The following BANK1 variants were observed in gnomAD, a reference collection of about 807,000 sequenced individuals.
BANK1 encodes B cell scaffold protein with ankyrin repeats 1.
BANK1 carries 95 observed loss-of-function variants against 94.5 expected under a neutral mutation model. The observed-to-expected ratio is 1.00, with a 90% CI of 0.85 to 1.19. The LOEUF (loss-of-function observed/expected upper bound fraction) is 1.19. Among genes scored for constraint, BANK1 ranks in the 50% most tolerant of loss-of-function variants. The pLI is 0.00. For synonymous variants in BANK1, 334 were observed against 308.4 expected (o/e 1.08, Z -0.87); for missense variants, 987 against 932.2 (o/e 1.06, Z -0.77).
At position 102,048,265 on chromosome 4, in the gene BANK1, G is replaced by C. The variant is rs183087994; in HGVS notation, c.1969+4358G>C. On this transcript the variant is annotated intron_variant, in intron 11 of 16. Coordinates refer to ENST00000322953, the MANE Select transcript of BANK1 (RefSeq NM_017935.5). Reference sequence around the variant, plus strand: ...AAGGAAACATCAATCCTTATCAAATGTTTCTTTAAAAACCTCCCTGATGAC... The same window carrying C: ...AAGGAAACATCAATCCTTATCAAATCTTTCTTTAAAAACCTCCCTGATGAC... Among the ~76,000 whole-genome samples, 64 of 152,230 alleles carry C rather than the reference G, an allele frequency of 4.2e-4. 1 individual carries two copies. Among genetic ancestry groups the C allele is most frequent in the South Asian group, 8.3e-4 (4 of 4,826 alleles).
intron 4 of BANK1, among the ~76,000 whole-genome samples, chr4:101,866,208 A>T (rs558436046): frequency 6.6e-6 from 1 of 152,204 alleles, no homozygotes; most frequent in Non-Finnish European, 1.5e-5. Context: ...ATCAAAAATT[A>T]AAAAATAACT....
chr4:101,858,638 C>T (rs975773798), intron 3 of BANK1, among the ~76,000 whole-genome samples: 1 of 151,932 alleles, frequency 6.6e-6, no homozygotes, highest in African/African-American at 2.4e-5. Flanking sequence ...TTTATTTTCC[C>T]ACTGCTGCTA....
intron 11 of BANK1, among the ~76,000 whole-genome samples, chr4:102,050,034 C>T (rs1161744853): frequency 6.6e-6 from 1 of 152,210 alleles, no homozygotes; most frequent in Non-Finnish European, 1.5e-5. Flanking sequence ...ACCCCATAAC[C>T]ATACCAATGT....
At chr4:101,812,221 TAGTA>T (rs1486998589) in intron 1 of BANK1, among the ~76,000 whole-genome samples, 1 of 151,900 alleles carries the variant, frequency 6.6e-6, no homozygotes, top group Non-Finnish European at 1.5e-5. Flanking sequence ...TAACTGGAAT[TAGTA>T]AGAAGTTCCA....
At chr4:102,051,986 G>T (rs1202050057) in intron 11 of BANK1, among the ~76,000 whole-genome samples, 1 of 152,064 alleles carries the variant, frequency 6.6e-6, no homozygotes, top group Non-Finnish European at 1.5e-5. Flanking sequence ...ATCTTGAGTT[G>T]CGAACTGCAC....
intron 14 of BANK1, among the ~76,000 whole-genome samples, 174 bp from the exon 15 acceptor site, chr4:102,072,171 A>T (rs1180555385): frequency 1.3e-5 from 2 of 152,214 alleles, no homozygotes; most frequent in African/African-American, 4.8e-5. Context: ...GGGCAGGAGA[A>T]ATTAACAGCA....
chr4:101,940,876 C>T (rs56757011), intron 7 of BANK1, among the ~76,000 whole-genome samples: 1 of 151,694 alleles, frequency 6.6e-6, no homozygotes, highest in Non-Finnish European at 1.5e-5. Context: ...TATTCCCCCT[C>T]CTCTAACCTT....
intron 3 of BANK1, among the ~76,000 whole-genome samples, chr4:101,856,220 A>C (rs1350133450): frequency 1.3e-5 from 2 of 152,180 alleles, no homozygotes; most frequent in African/African-American, 2.4e-5. Context: ...CCCTTACCCC[A>C]TGCCTAAGCA....
At chr4:101,916,667 G>GAA (rs1324813292) in intron 6 of BANK1, among the ~76,000 whole-genome samples, 1 of 151,914 alleles carries the variant, frequency 6.6e-6, no homozygotes, top group Non-Finnish European at 1.5e-5. Context: ...ATTTGTATTT[G>GAA]TAAAACAAGT....
At chr4:102,025,749 C>T (rs1483522366) in intron 9 of BANK1, among the ~76,000 whole-genome samples, 3 of 152,020 alleles carry the variant, frequency 2.0e-5, no homozygotes, top group Non-Finnish European at 4.4e-5. Flanking sequence ...CTCCCTCCCT[C>T]CTTCCCTTTC....
intron 6 of BANK1, among the ~76,000 whole-genome samples, chr4:101,909,056 G>T (rs1222249146): frequency 1.3e-5 from 2 of 152,128 alleles, no homozygotes; most frequent in Non-Finnish European, 2.9e-5. Flanking sequence ...CCCATTACTG[G>T]GTGTATACCC....
intron 2 of BANK1, among the ~76,000 whole-genome samples, chr4:101,836,358 T>C (rs1411443641): frequency 6.6e-6 from 1 of 152,116 alleles, no homozygotes; most frequent in Non-Finnish European, 1.5e-5. Context: ...TGCACACCTG[T>C]AATCCCAGTT....
At position 102,003,697 on chromosome 4, in the gene BANK1, G is replaced by C. The variant is rs182246170; in HGVS notation, c.1207-17817G>C. ...TCAAGGAGAGAGAACATAAATATTT[G>C]CTATTGGTGGGAAGTAGCAAGGCTC... is the stretch of plus-strand genomic sequence containing the variant. On this transcript the variant is annotated intron_variant, in intron 7 of 16. Transcript: ENST00000322953. Among the ~76,000 whole-genome samples, 568 of 152,166 alleles carry C rather than the reference G, an allele frequency of 3.7e-3. 5 individuals carry two copies. Among genetic ancestry groups the C allele is most frequent in the African/African-American group, 0.013 (524 of 41,508 alleles).
chr4:101,856,369 A>G (rs1033539272), intron 3 of BANK1, among the ~76,000 whole-genome samples: 41 of 136,018 alleles, frequency 3.0e-4, no homozygotes, highest in African/African-American at 1.1e-3. Flanking sequence ...AAGAAAAATT[A>G]CAAGGGCTCA....
At chr4:101,825,317 T>C (rs150206604) in intron 1 of BANK1, among the ~76,000 whole-genome samples, 3 of 152,122 alleles carry the variant, frequency 2.0e-5, no homozygotes, top group African/African-American at 7.2e-5. Flanking sequence ...TTCAAATGTA[T>C]AAAATGAAGT....
chr4:101,838,820 A>AT (rs1392948133), intron 2 of BANK1, among the ~76,000 whole-genome samples: 3 of 152,152 alleles, frequency 2.0e-5, no homozygotes, highest in Non-Finnish European at 4.4e-5. Context: ...CTCAGTAATT[A>AT]TTTTTCAAGA....
At chr4:101,936,387 ACATG>A (rs1414890634) in intron 7 of BANK1, among the ~76,000 whole-genome samples, 1 of 150,232 alleles carries the variant, frequency 6.7e-6, no homozygotes, top group African/African-American at 2.4e-5. Flanking sequence ...ATACATGCAT[ACATG>A]CATGTATATA....
chr4:101,820,643 A>G (rs1726106820), intron 1 of BANK1, among the ~76,000 whole-genome samples: 1 of 152,084 alleles, frequency 6.6e-6, no homozygotes, highest in Non-Finnish European at 1.5e-5. Flanking sequence ...ACCTTCAAGC[A>G]TACCCCAGTG....
rs187589694 is a variant in BANK1, at chr4:101,830,931, C to A, written c.469+725C>A. Among the ~76,000 whole-genome samples, 6 of 152,170 alleles carry A rather than the reference C, an allele frequency of 3.9e-5. No homozygotes were observed. In the East Asian group the frequency reaches 7.7e-4, roughly 20 times the overall value. On this transcript the variant is annotated intron_variant, in intron 2 of 16. Transcript: ENST00000322953. ...TAAAAGTTGGCTATTTTTTTTGGAG[C>A]AAATTTCTGAGTTTTGGGAAATTCC...
Sources: gnomAD v4.1 joint callset for allele counts (sites outside exome capture counted in the v4.1 genomes callset) on GRCh38, gnomAD v4.1.1 for gene constraint, MANE v1.5 for transcripts, NCBI Gene and HGNC (gene_info 2026-07-23, HGNC 2026-07-21) for gene names.